Variants in GRID2 observed in about 807,000 individuals in gnomAD.
The protein encoded by GRID2 is glutamate receptor ionotropic, delta-2.
In GRID2, 33 loss-of-function variants were observed where a neutral mutation model predicts 114.8. The observed-to-expected ratio is 0.29, with a 90% confidence interval of 0.22 to 0.38. GRID2 has a LOEUF of 0.38. GRID2 is among the 10% of genes least tolerant of loss of function. The probability of loss-of-function intolerance (pLI) is 1.00; values close to 1 mark genes in which losing one functional copy is unlikely to be tolerated. For synonymous variants in GRID2, 505 were observed against 449.9 expected (o/e 1.12, Z -1.55); for missense variants, 1,184 against 1,257.7 (o/e 0.94, Z 0.89).
intron 14 of GRID2, among the ~76,000 whole-genome samples, chr4:93,670,374 C>A (rs772665124): frequency 1.3e-5 from 2 of 151,996 alleles, no homozygotes; most frequent in Non-Finnish European, 2.9e-5. Context: ...GAGAAAGAAG[C>A]AAAAGTCATA....
intron 14 of GRID2, among the ~76,000 whole-genome samples, chr4:93,759,447 A>G (rs968033204): frequency 9.2e-5 from 14 of 152,220 alleles, no homozygotes; most frequent in African/African-American, 3.4e-4. Context: ...TCTAAATGTT[A>G]AAGATTAAAC....
Position 93,769,408 on chromosome 4 carries a change from G to A in GRID2, c.2559G>A (p.Thr853=), listed in dbSNP as rs151216204. ...CCTGCTTCATAGCCATGCTGGAGAC[G>A]TGGTGGAACAAGAGGAAAGGCTCCC... is the stretch of plus-strand genomic sequence containing the variant. ...VLSCFIAMLE[T]WWNKRKGSRV... The change falls in exon 15 of 16, where the codon ACG becomes ACA. Residue 853 remains threonine, a synonymous_variant. Coordinates refer to ENST00000282020, the MANE Select transcript of GRID2 (RefSeq NM_001510.4). 5.6e-5 allele frequency: 91 copies of A among 1,613,916 alleles called. 1 individual carries two copies. The highest frequency in any genetic ancestry group is 2.2e-4 in the East Asian group (10 of 44,868).
intron 2 of GRID2, among the ~76,000 whole-genome samples, chr4:92,977,663 T>C (rs1753957214): frequency 6.6e-6 from 1 of 152,138 alleles, no homozygotes; most frequent in African/African-American, 2.4e-5. Flanking sequence ...ATTGCTGTAA[T>C]GTGGATGTGA....
At chr4:93,536,375 G>A (rs1295108787) in intron 13 of GRID2, among the ~76,000 whole-genome samples, 10 of 151,884 alleles carry the variant, frequency 6.6e-5, no homozygotes, top group Non-Finnish European at 1.5e-4. Flanking sequence ...TAAAGGAACA[G>A]AATAGGGACC....
intron 13 of GRID2, among the ~76,000 whole-genome samples, chr4:93,582,474 C>T (rs949569239): frequency 6.6e-6 from 1 of 152,140 alleles, no homozygotes; most frequent in Admixed American, 6.6e-5. Context: ...TGGGATAAAG[C>T]ATTATTCTGC....
chr4:92,639,458 G>GA (rs943279577), intron 2 of GRID2, among the ~76,000 whole-genome samples: 1 of 151,714 alleles, frequency 6.6e-6, no homozygotes, highest in Admixed American at 6.6e-5. Context: ...AGAGCCTAAT[G>GA]AAAAAAATGC....
At position 93,721,432 on chromosome 4, in the gene GRID2, A is replaced by G. The variant is rs369460666; in HGVS notation, c.2361-47778A>G. ...GAATTTTTATATTTCAGGAATGTCT[A>G]GGTTAACAAAAGCTAAATATTCAGA... is the stretch of plus-strand genomic sequence containing the variant. On this transcript the variant is annotated intron_variant, in intron 14 of 15. Transcript: ENST00000282020. Among the ~76,000 whole-genome samples, 10 of 152,318 alleles carry G rather than the reference A, an allele frequency of 6.6e-5. No homozygotes were observed. The East Asian group carries it at 9.7e-4, about 15-fold the overall frequency.
intron 8 of GRID2, among the ~76,000 whole-genome samples, chr4:93,328,598 A>G (rs771339936): frequency 5.3e-5 from 8 of 152,036 alleles, no homozygotes; most frequent in Non-Finnish European, 1.0e-4. Context: ...TATTATCTAC[A>G]TTTTCAAATT....
At chr4:92,964,724 T>C (rs1047164993) in intron 2 of GRID2, among the ~76,000 whole-genome samples, 11 of 152,040 alleles carry the variant, frequency 7.2e-5, no homozygotes, top group African/African-American at 2.4e-4. Context: ...CTGGCTTCTA[T>C]TTTTTCATCT....
chr4:93,789,588 C>T (rs1734657798), intron 1 of GRID2, among the ~76,000 whole-genome samples: 1 of 152,176 alleles, frequency 6.6e-6, no homozygotes, highest in African/African-American at 2.4e-5. Flanking sequence ...TTTTTATTCC[C>T]CATAAAGCAT....
At chr4:93,069,316 A>G (rs1279133577) in intron 2 of GRID2, among the ~76,000 whole-genome samples, 1 of 151,812 alleles carries the variant, frequency 6.6e-6, no homozygotes, top group African/African-American at 2.4e-5. Flanking sequence ...GTGTGTATAT[A>G]TATACTTAGA....
At position 93,803,972 on chromosome 4, in the gene GRID2, T is replaced by A. The variant is rs192376303; in HGVS notation, c.222-2743T>A. 4.6e-5 allele frequency among the ~76,000 whole-genome samples: 7 copies of A among 152,260 alleles called. No homozygotes were observed. In the East Asian group the frequency reaches 1.4e-3, roughly 29 times the overall value. On this transcript the variant is annotated intron_variant, in intron 1 of 1. Transcript: ENST00000637838. ...GTGTGGCGCTTCCTGGCTGCACAGTTCCTATATCTTCAATGTTAGGGAGAA... is the reference window on the plus strand; with the variant it reads ...GTGTGGCGCTTCCTGGCTGCACAGTACCTATATCTTCAATGTTAGGGAGAA...
chr4:93,012,263 C>T (rs909115710), intron 2 of GRID2, among the ~76,000 whole-genome samples: 1 of 151,990 alleles, frequency 6.6e-6, no homozygotes, highest in Admixed American at 6.6e-5. Context: ...GCCCTCTCTT[C>T]GTTTTGTCTC....
chr4:93,089,820 G>C (rs1328113323), intron 3 of GRID2, among the ~76,000 whole-genome samples: 2 of 152,126 alleles, frequency 1.3e-5, no homozygotes, highest in East Asian at 3.9e-4. Context: ...TGTATAGAGA[G>C]ACTTTATTAC....
chr4:93,729,580 T>G (rs1730290060), intron 14 of GRID2, among the ~76,000 whole-genome samples: 2 of 152,030 alleles, frequency 1.3e-5, no homozygotes, highest in Admixed American at 1.3e-4. Context: ...GAGTCTCACT[T>G]TGTTGCACAG....
intron 2 of GRID2, among the ~76,000 whole-genome samples, chr4:92,740,936 A>G (rs1285628676): frequency 6.6e-6 from 1 of 151,904 alleles, no homozygotes. Context: ...TATTAGTTTT[A>G]TTAGAAGGGG....
chr4:92,988,201 A>C (rs1754629003), intron 2 of GRID2, among the ~76,000 whole-genome samples: 1 of 152,100 alleles, frequency 6.6e-6, no homozygotes, highest in Non-Finnish European at 1.5e-5. Context: ...AGAAGCTATA[A>C]TCCAGATATC....
chr4:93,773,851 G>A lies in GRID2; in HGVS notation c.*1353G>A, dbSNP rs576345965. The A allele has an allele frequency of 6.6e-6, 1 of 151,978 alleles. No homozygotes were observed. The highest frequency in any genetic ancestry group is 2.4e-5 in the African/African-American group (1 of 41,378). 9.4% of individuals were successfully genotyped at this position (151,978 alleles called of 1,614,324 possible). ...GAGGAGTTATGTATTTTTTACATTAGTGCCAAGTATATAGAAGGATGACAG... is the reference window on the plus strand; with the variant it reads ...GAGGAGTTATGTATTTTTTACATTAATGCCAAGTATATAGAAGGATGACAG... On this transcript the variant is annotated 3_prime_UTR_variant, in exon 16 of 16. Coordinates refer to ENST00000282020, the MANE Select transcript of GRID2 (RefSeq NM_001510.4).
intron 9 of GRID2, among the ~76,000 whole-genome samples, chr4:93,418,297 C>T (rs374818423): frequency 6.6e-6 from 1 of 151,718 alleles, no homozygotes; most frequent in Non-Finnish European, 1.5e-5. Flanking sequence ...TTTATTCTTC[C>T]TTCACCCTGG....
Sources: gnomAD v4.1 joint callset for allele counts (sites outside exome capture counted in the v4.1 genomes callset) on GRCh38, gnomAD v4.1.1 for gene constraint, MANE v1.5 for transcripts, NCBI Gene and HGNC (gene_info 2026-07-23, HGNC 2026-07-21) for gene names.